Variants in PIBF1 observed in about 807,000 individuals in gnomAD.
PIBF1 encodes progesterone-induced-blocking factor 1.
In PIBF1, 90 loss-of-function variants were observed where a neutral mutation model predicts 112.5. The observed-to-expected ratio is 0.80, with a 90% CI of 0.67 to 0.95. The LOEUF is 0.95. Among genes scored for constraint, PIBF1 ranks in the 40% least tolerant of loss-of-function variants. PIBF1 has a pLI of 0.00. For missense variants in PIBF1, 915 were observed against 852.3 expected, an observed-to-expected ratio of 1.07 and a Z score of -0.92; for synonymous variants, 301 against 288.6, an observed-to-expected ratio of 1.04 and a Z score of -0.44.
Position 72,898,131 on chromosome 13 carries a change from A to T in PIBF1, c.1488+4182A>T, listed in dbSNP as rs145247027. Among the ~76,000 whole-genome samples, 811 of 152,294 alleles carry T rather than the reference A, an allele frequency of 5.3e-3. 15 individuals carry two copies. Among genetic ancestry groups the T allele is most frequent in the African/African-American group, 0.018 (761 of 41,578 alleles). On this transcript the variant is annotated intron_variant, in intron 11 of 17. Coordinates refer to ENST00000326291, the MANE Select transcript of PIBF1 (RefSeq NM_006346.4). ...AAGCCCTCTGTCAGACTGCAGTGGA[A>T]TAAAACTGGAAATCAACTCCAAAAG...
intron 14 of PIBF1, among the ~76,000 whole-genome samples, chr13:72,945,246 A>G (rs1173420525): frequency 1.3e-5 from 2 of 152,176 alleles, no homozygotes; most frequent in Non-Finnish European, 2.9e-5. Context: ...ATTGCTGCAT[A>G]GTATCCCATG....
intron 14 of PIBF1, among the ~76,000 whole-genome samples, chr13:72,935,511 A>T (rs903922762): frequency 3.9e-5 from 6 of 152,186 alleles, no homozygotes; most frequent in East Asian, 1.9e-4. Context: ...ACATTCACAT[A>T]CAAGTCTTTG....
chr13:73,010,704 C>G lies in PIBF1; in HGVS notation c.2224-5165C>G, dbSNP rs115882247. On this transcript the variant is annotated intron_variant, in intron 17 of 17. Transcript: ENST00000326291. Reference sequence around the variant, plus strand: ...AGCTGGCTCACCTTTCCCAGTCACCCAAATCTATCTGATTGTATAAGAATC... The same window carrying G: ...AGCTGGCTCACCTTTCCCAGTCACCGAAATCTATCTGATTGTATAAGAATC... 5.8e-3 allele frequency among the ~76,000 whole-genome samples: 884 copies of G among 151,706 alleles called. 15 individuals are homozygous for G. The highest frequency in any genetic ancestry group is 0.019 in the African/African-American group (800 of 41,358).
intron 13 of PIBF1, among the ~76,000 whole-genome samples, chr13:72,928,024 T>TATACAC (rs1448630819): frequency 0.076 from 5,195 of 68,540 alleles, 647 homozygotes; most frequent in African/African-American, 0.22. Flanking sequence ...TACATATATA[T>TATACAC]ACATATATAT....
intron 14 of PIBF1, among the ~76,000 whole-genome samples, chr13:72,949,067 G>T (rs1462704372): frequency 6.6e-6 from 1 of 152,092 alleles, no homozygotes; most frequent in Non-Finnish European, 1.5e-5. Flanking sequence ...GGTTCCTGAT[G>T]GATGTGTTAT....
At chr13:72,974,999 A>G (rs2042984325) in intron 16 of PIBF1, among the ~76,000 whole-genome samples, 1 of 151,638 alleles carries the variant, frequency 6.6e-6, no homozygotes. Context: ...CTGAACTATC[A>G]CTGCCTCATC....
chr13:72,960,528 TTA>T (rs2042576694), intron 14 of PIBF1, among the ~76,000 whole-genome samples: 1 of 152,242 alleles, frequency 6.6e-6, no homozygotes, highest in South Asian at 2.1e-4. Flanking sequence ...ACTGCTGCTG[TTA>T]TGTTTTGTGC....
rs143265647 is a variant in PIBF1, at chr13:72,988,999, C to T, written c.2050-9823C>T. On this transcript the variant is annotated intron_variant, in intron 16 of 17. Transcript: ENST00000326291. Reference sequence around the variant, plus strand: ...GTTGCACTGAGCGGAAATCATGCCACTGCACTCCAGCCTGGGTGACAGAGT... The same window carrying T: ...GTTGCACTGAGCGGAAATCATGCCATTGCACTCCAGCCTGGGTGACAGAGT... Among the ~76,000 whole-genome samples, 1,050 of 152,226 alleles carry T rather than the reference C, an allele frequency of 6.9e-3. 14 individuals carry two copies. Among genetic ancestry groups the T allele is most frequent in the African/African-American group, 0.024 (1,013 of 41,520 alleles).
intron 6 of PIBF1, among the ~76,000 whole-genome samples, 192 bp downstream of exon 6, chr13:72,822,174 G>A (rs951911680): frequency 2.0e-5 from 3 of 152,044 alleles, no homozygotes; most frequent in Admixed American, 6.6e-5. Context: ...TTATTTAGAT[G>A]TCACTGCTGT....
chr13:72,798,079 GTCCC>G (rs1566282664), intron 5 of PIBF1, 53 bp downstream of exon 5: 1 of 1,536,454 alleles, frequency 6.5e-7, no homozygotes, highest in African/African-American at 1.4e-5. Flanking sequence ...TTTCTGTAGA[GTCCC>G]TCAGGATTTG....
chr13:72,880,508 A>G (rs893970152), intron 10 of PIBF1, among the ~76,000 whole-genome samples: 4 of 152,178 alleles, frequency 2.6e-5, no homozygotes, highest in Admixed American at 2.0e-4. Flanking sequence ...AACTCATTTA[A>G]TTATCCTAAT....
At chr13:72,914,735 C>T (rs1344832460) in intron 12 of PIBF1, among the ~76,000 whole-genome samples, 1 of 152,084 alleles carries the variant, frequency 6.6e-6, no homozygotes, top group Non-Finnish European at 1.5e-5. Flanking sequence ...CAGACACATG[C>T]CATCATGCCC....
intron 10 of PIBF1, among the ~76,000 whole-genome samples, chr13:72,869,802 C>A (rs1594091620): frequency 6.6e-6 from 1 of 151,496 alleles, no homozygotes; most frequent in Non-Finnish European, 1.5e-5. Flanking sequence ...CTTAACCCCC[C>A]ACCTCCACAC....
At chr13:73,014,496 T>C (rs959658371) in intron 17 of PIBF1, among the ~76,000 whole-genome samples, 1 of 152,224 alleles carries the variant, frequency 6.6e-6, no homozygotes, top group Admixed American at 6.5e-5. Context: ...TGGATGCCTG[T>C]CTATAGACAT....
rs961130980 is a variant in PIBF1, at chr13:72,908,403, T to C, written c.1489-128T>C. On this transcript the variant is annotated intron_variant, in intron 11 of 17. Transcript: ENST00000326291. ...TATTTAATTTCCTCATTAGTCATCTTAATTGAGCTACTTTCTCTTAATATT... is the reference window on the plus strand; with the variant it reads ...TATTTAATTTCCTCATTAGTCATCTCAATTGAGCTACTTTCTCTTAATATT... The C allele has an allele frequency of 1.6e-5, 7 of 434,606 alleles. No individual in the cohort carries two copies. The Middle Eastern group carries it at 1.9e-3, about 118-fold the overall frequency. The allele number at this position is 434,606 out of a possible 1,614,324, so 26.9% of individuals were successfully genotyped here. A position where few individuals can be genotyped will look rare whatever the true frequency, so the allele number is the denominator to read the frequency against.
chr13:72,863,953 G>A (rs1301748933), intron 10 of PIBF1, among the ~76,000 whole-genome samples: 1 of 152,158 alleles, frequency 6.6e-6, no homozygotes, highest in Non-Finnish European at 1.5e-5. Context: ...TGGTTTAGGG[G>A]TATGTATACT....
At position 72,797,816 on chromosome 13, in the gene PIBF1, T is replaced by C. The variant is rs1026766119; in HGVS notation, c.553-91T>C. 3 of 909,318 alleles carry C rather than the reference T, an allele frequency of 3.3e-6. No homozygotes were observed. The African/African-American group carries it at 5.1e-5, about 16-fold the overall frequency. The allele number at this position is 909,318 out of a possible 1,614,324, so 56.3% of individuals were successfully genotyped here. A position where few individuals can be genotyped will look rare whatever the true frequency, so the allele number is the denominator to read the frequency against. On this transcript the variant is annotated intron_variant, in intron 4 of 17. Coordinates refer to ENST00000326291, the MANE Select transcript of PIBF1 (RefSeq NM_006346.4). The stretch of plus-strand genomic sequence containing the variant: ...CTTGTTGTAGTTTTGTAAATATTTA[T>C]CTTTATTACTGATAAGTGAGAGCAC...
chr13:72,885,044 A>G (rs1409610849), intron 10 of PIBF1, among the ~76,000 whole-genome samples: 1 of 152,152 alleles, frequency 6.6e-6, no homozygotes, highest in Non-Finnish European at 1.5e-5. Context: ...AATTGTGTAT[A>G]AAATTTGTAA....
chr13:72,899,911 C>A (rs766107340), intron 11 of PIBF1, among the ~76,000 whole-genome samples: 1 of 152,100 alleles, frequency 6.6e-6, no homozygotes, highest in Non-Finnish European at 1.5e-5. Context: ...GCAAAGTTTC[C>A]GGATACAAGA....
Sources: allele counts gnomAD v4.1 joint callset (sites outside exome capture counted in the v4.1 genomes callset), GRCh38; gene constraint gnomAD v4.1.1; transcripts MANE v1.5; gene names NCBI Gene and HGNC (gene_info 2026-07-23, HGNC 2026-07-21).